The following SIM1 variants were observed in gnomAD, a reference collection of about 807,000 sequenced individuals.
SIM1 encodes the protein single-minded homolog 1.
SIM1 carries 18 observed loss-of-function variants against 78.2 expected under a neutral mutation model. The observed-to-expected ratio is 0.23, with a 90% CI of 0.16 to 0.34. The LOEUF (loss-of-function observed/expected upper bound fraction) is 0.34. Ranked by LOEUF, SIM1 falls within the 10% of genes least tolerant of loss-of-function variation. The pLI, the probability that SIM1 is intolerant of heterozygous loss-of-function variation, is 1.00. For synonymous variants in SIM1, 417 were observed against 385.2 expected (o/e 1.08, Z -0.97); for missense variants, 939 against 975.1 (o/e 0.96, Z 0.49).
At chr6:100,412,673 G>GAGAAAGAA (rs1771256965) in intron 10 of SIM1, among the ~76,000 whole-genome samples, 1 of 103,614 alleles carries the variant, frequency 9.7e-6, no homozygotes, top group African/African-American at 3.7e-5. Flanking sequence ...GAGAGAGAGA[G>GAGAAAGAA]AAAGAAAGAA....
chr6:100,408,606 G>C (rs563955185), intron 10 of SIM1, among the ~76,000 whole-genome samples: 2 of 151,954 alleles, frequency 1.3e-5, no homozygotes, highest in Non-Finnish European at 2.9e-5. Context: ...AATTTGTTGA[G>C]AGTTTTTATC....
chr6:100,433,686 T>C (rs2114521294), intron 9 of SIM1, among the ~76,000 whole-genome samples: 1 of 151,694 alleles, frequency 6.6e-6, no homozygotes, highest in East Asian at 1.9e-4. Flanking sequence ...CGGTGAACCA[T>C]GATCTTGCCA....
chr6:100,435,860 A>G (rs1431139184), intron 9 of SIM1, among the ~76,000 whole-genome samples: 1 of 151,888 alleles, frequency 6.6e-6, no homozygotes, highest in East Asian at 1.9e-4. Flanking sequence ...AATCAACACA[A>G]CTGCTCCCTC....
At chr6:100,448,367 A>C (rs3213541) in intron 7 of SIM1, 112 bp downstream of exon 7, 2 of 1,389,528 alleles carry the variant, frequency 1.4e-6, no homozygotes, top group Non-Finnish European at 9.9e-7. Flanking sequence ...TCCAGGGCCG[A>C]TTCAGTCGCC....
intron 2 of SIM1, among the ~76,000 whole-genome samples, chr6:100,462,421 A>C (rs548517816): frequency 6.6e-6 from 1 of 152,250 alleles, no homozygotes; most frequent in Non-Finnish European, 1.5e-5. Context: ...CTTTTCTAGT[A>C]AGTATAAATG....
In SIM1 at chr6:100,390,312, A is replaced by G; in HGVS notation, c.*49T>C. On this transcript the variant is annotated 3_prime_UTR_variant, in exon 12 of 12. Transcript: ENST00000369208. ...AATGCTGGTAATGGGGTATTAAACT[A>G]TAAATATGTTTCAGAGATCCTTAAA... is the stretch of plus-strand genomic sequence containing the variant. 1.3e-6 allele frequency: 2 copies of G among 1,567,750 alleles called. No homozygotes were observed. The highest frequency in any genetic ancestry group is 1.7e-6 in the Non-Finnish European group (2 of 1,155,646).
At chr6:100,448,107 G>T in intron 8 of SIM1, 39 bp downstream of exon 8, 6 of 1,528,104 alleles carry the variant, frequency 3.9e-6, no homozygotes, top group Non-Finnish European at 5.4e-6. Flanking sequence ...CAGCGGATGC[G>T]CCAAGGTTGC....
At chr6:100,420,405 T>C (rs1051386361) in intron 10 of SIM1, among the ~76,000 whole-genome samples, 4 of 152,196 alleles carry the variant, frequency 2.6e-5, no homozygotes, top group Admixed American at 2.6e-4. Flanking sequence ...AATTTTCTTC[T>C]TCTTTAGTTC....
chr6:100,393,651 C>T lies in SIM1; in HGVS notation c.1406G>A (p.Gly469Glu), dbSNP rs1448654060. The part of the protein sequence containing the change: ...ERHFHTQACE[G>E]GRCEAGRYFL... ...GTACCTGCCTGCCTCACATCGGCCT[C>T]CTTCACAGGCCTGGGTATGGAAATG... The change falls in exon 11 of 12, where the codon GGA (glycine) becomes GAA (glutamate). Residue 469 changes from glycine to glutamate, a missense_variant. This residue lies in a region of SIM1 where 556 missense variants were observed against 521.9 expected (regional missense o/e 1.07). Transcript: ENST00000369208. 6.2e-7 allele frequency: 1 copy of T among 1,614,152 alleles called. No homozygotes were observed. Among genetic ancestry groups the T allele is most frequent in the East Asian group, 2.2e-5 (1 of 44,886 alleles).
intron 2 of SIM1, among the ~76,000 whole-genome samples, chr6:100,458,009 T>TCTCTCTCC (rs1562064153): frequency 0.08 from 326 of 4,098 alleles, 28 homozygotes; most frequent in Non-Finnish European, 0.12. Context: ...TCTCTCTTTC[T>TCTCTCTCC]CTCTCTCTCT....
chr6:100,452,840 C>T (rs986971981), intron 3 of SIM1, among the ~76,000 whole-genome samples: 1 of 152,118 alleles, frequency 6.6e-6, no homozygotes, highest in East Asian at 1.9e-4. Context: ...TCCCACAAAA[C>T]TAAAATCTTC....
chr6:100,440,500 T>C (rs901363997), intron 9 of SIM1, among the ~76,000 whole-genome samples: 5 of 152,220 alleles, frequency 3.3e-5, no homozygotes, highest in Non-Finnish European at 5.9e-5. Flanking sequence ...CTCCTTTCAG[T>C]TCCATGATCA....
At chr6:100,417,208 T>A (rs1771426164) in intron 10 of SIM1, among the ~76,000 whole-genome samples, 1 of 152,142 alleles carries the variant, frequency 6.6e-6, no homozygotes, top group South Asian at 2.1e-4. Flanking sequence ...AGTTCTACCC[T>A]CGACGCTAGG....
intron 10 of SIM1, among the ~76,000 whole-genome samples, chr6:100,409,014 C>T (rs756860220): frequency 4.6e-5 from 7 of 152,208 alleles, no homozygotes; most frequent in Middle Eastern, 3.4e-3. Context: ...TAGAATTCAC[C>T]AGCGAAGTCA....
chr6:100,432,043 G>A (rs1180617839), intron 9 of SIM1, among the ~76,000 whole-genome samples: 1 of 152,088 alleles, frequency 6.6e-6, no homozygotes, highest in East Asian at 1.9e-4. Flanking sequence ...CTACATGAGA[G>A]GCTGAGGCAG....
Position 100,390,703 on chromosome 6 carries a change from G to C in SIM1, c.1959C>G (p.Thr653=). 1.2e-6 allele frequency: 2 copies of C among 1,614,088 alleles called. No individual in the cohort carries two copies. Among genetic ancestry groups the C allele is most frequent in the Non-Finnish European group, 1.7e-6 (2 of 1,180,004 alleles). Residue 653 remains threonine (T), a synonymous_variant, in exon 12 of 12, where the codon ACC becomes ACG. Coordinates refer to ENST00000369208, the MANE Select transcript of SIM1 (RefSeq NM_005068.3). ...TGGGACTACTTATCCGAGATAGTGC[G>C]GTGGGACTGTTGTCATAGTCATTTT... ...PHENDYDNSP[T]ALSRISSPNS... is the part of the protein sequence containing the mutation.
At chr6:100,455,219 T>C (rs1325739908) in intron 2 of SIM1, among the ~76,000 whole-genome samples, 1 of 152,108 alleles carries the variant, frequency 6.6e-6, no homozygotes, top group Non-Finnish European at 1.5e-5. Flanking sequence ...TGTTTGCACA[T>C]CTAAATAAAT....
chr6:100,448,380 A>T, intron 7 of SIM1, 99 bp downstream of exon 7: 1 of 1,408,932 alleles, frequency 7.1e-7, no homozygotes, highest in South Asian at 1.3e-5. Flanking sequence ...CAGTCGCCTC[A>T]TGTGCAAAAT....
intron 9 of SIM1, among the ~76,000 whole-genome samples, chr6:100,446,041 TA>T (rs921162882): frequency 1.5e-5 from 2 of 129,242 alleles, no homozygotes; most frequent in Admixed American, 7.7e-5. Flanking sequence ...TTTACTAAGA[TA>T]AAAAAATTAA....
Sources: allele counts gnomAD v4.1 joint callset (sites outside exome capture counted in the v4.1 genomes callset), GRCh38; gene constraint gnomAD v4.1.1; regional missense constraint gnomAD v4.1.1; transcripts MANE v1.5; gene names NCBI Gene and HGNC (gene_info 2026-07-23, HGNC 2026-07-21).